The following GALNT11 variants were observed in gnomAD, a reference collection of about 807,000 sequenced individuals.
The protein encoded by GALNT11 is polypeptide N-acetylgalactosaminyltransferase 11.
GALNT11 carries 47 observed loss-of-function variants against 72.7 expected under a neutral mutation model. The observed-to-expected ratio is 0.65, with a 90% CI of 0.51 to 0.82. GALNT11 has a LOEUF of 0.82. Ranked by LOEUF, GALNT11 falls within the 40% of genes least tolerant of loss-of-function variation. GALNT11 has a pLI of 0.00. For missense variants in GALNT11, 677 were observed against 778.4 expected (o/e 0.87, Z 1.55); for synonymous variants, 270 against 286.6 (o/e 0.94, Z 0.58).
intron 1 of GALNT11, among the ~76,000 whole-genome samples, chr7:152,082,462 G>A (rs1421588610): frequency 5.3e-5 from 8 of 152,202 alleles, no homozygotes; most frequent in Non-Finnish European, 2.9e-5. Flanking sequence ...AGGCAGAGGA[G>A]AACAAAGGAA....
chr7:152,114,519 T>G (rs993107987), intron 8 of GALNT11, among the ~76,000 whole-genome samples: 3 of 152,206 alleles, frequency 2.0e-5, no homozygotes, highest in South Asian at 2.1e-4. Context: ...ACAGACCACA[T>G]TTTACTTTAT....
intron 1 of GALNT11, among the ~76,000 whole-genome samples, chr7:152,076,986 G>A (rs576183743): frequency 6.6e-6 from 1 of 152,246 alleles, no homozygotes; most frequent in East Asian, 1.9e-4. Flanking sequence ...CAATACTTTG[G>A]GTGGATGAGG....
At chr7:152,099,454 T>C (rs9969275) in intron 2 of GALNT11, among the ~76,000 whole-genome samples, 23,611 of 146,412 alleles carry the variant, frequency 0.16, 4,570 homozygotes, top group African/African-American at 0.46. Context: ...ACCTCTGCCT[T>C]CCGGGTTTAA....
At chr7:152,077,507 T>G (rs1304579039) in intron 1 of GALNT11, among the ~76,000 whole-genome samples, 3 of 152,076 alleles carry the variant, frequency 2.0e-5, no homozygotes, top group Non-Finnish European at 2.9e-5. Flanking sequence ...TGTTGAAACC[T>G]TGAGAGGCTG....
Position 152,088,386 on chromosome 7 carries a change from G to GT in GALNT11, c.-38-5796dup, listed in dbSNP as rs200440997. ...TATCTCCATTGATAAAACCATTTGG[G>GT]TTTTTTTTCTTTTAATTTATGAAGG... On this transcript the variant is annotated intron_variant, in intron 1 of 11. Transcript: ENST00000430044. 5.5e-3 allele frequency among the ~76,000 whole-genome samples: 831 copies of GT among 151,498 alleles called. 8 individuals are homozygous for GT. Among genetic ancestry groups the GT allele is most frequent in the African/African-American group, 0.019 (796 of 41,280 alleles).
intron 1 of GALNT11, among the ~76,000 whole-genome samples, chr7:152,091,344 G>C (rs983710781): frequency 6.6e-6 from 1 of 151,664 alleles, no homozygotes; most frequent in South Asian, 2.1e-4. Context: ...GGGTTCAAGC[G>C]ATTCTCCTGC....
intron 1 of GALNT11, among the ~76,000 whole-genome samples, chr7:152,032,236 G>A (rs1171900480): frequency 6.6e-6 from 1 of 152,176 alleles, no homozygotes; most frequent in African/African-American, 2.4e-5. Context: ...ACAGATGAGG[G>A]CTATCCCTAA....
intron 1 of GALNT11, among the ~76,000 whole-genome samples, chr7:152,036,506 G>T (rs975196665): frequency 6.6e-6 from 1 of 152,122 alleles, no homozygotes; most frequent in Non-Finnish European, 1.5e-5. Context: ...TGGACATTTA[G>T]GTTGCTTCCA....
chr7:152,109,006 C>CATT (rs2087886727), intron 6 of GALNT11, among the ~76,000 whole-genome samples: 1 of 146,064 alleles, frequency 6.8e-6, no homozygotes, highest in Non-Finnish European at 1.5e-5. Context: ...ATGTTGTTAT[C>CATT]GTTGCTTATT....
Position 152,067,576 on chromosome 7 carries a change from G to A in GALNT11, c.-38-26614G>A, listed in dbSNP as rs190386569. Reference sequence around the variant, plus strand: ...CCATCTGTCCCTTTGATGTGCCCCCGACATTGTAGTTTTTGTTTGTTTTAT... The same window carrying A: ...CCATCTGTCCCTTTGATGTGCCCCCAACATTGTAGTTTTTGTTTGTTTTAT... On this transcript the variant is annotated intron_variant, in intron 1 of 11. Coordinates refer to ENST00000430044, the MANE Select transcript of GALNT11 (RefSeq NM_022087.4). Among the ~76,000 whole-genome samples the A allele has an allele frequency of 4.5e-4, 69 of 152,138 alleles. 1 individual carries two copies. Among genetic ancestry groups the A allele is most frequent in the African/African-American group, 1.6e-3 (66 of 41,526 alleles).
chr7:152,035,570 G>A (rs528343537), intron 1 of GALNT11, among the ~76,000 whole-genome samples: 33 of 152,232 alleles, frequency 2.2e-4, no homozygotes, highest in Admixed American at 5.2e-4. Context: ...GGCTCAGCCC[G>A]GAAGTACAGG....
chr7:152,059,821 T>G (rs1207710890), intron 1 of GALNT11, among the ~76,000 whole-genome samples: 2 of 152,224 alleles, frequency 1.3e-5, no homozygotes, highest in Non-Finnish European at 2.9e-5. Context: ...GCATAATTCT[T>G]AAAGGCCCTG....
chr7:152,047,532 C>CA (rs1383668582), intron 1 of GALNT11, among the ~76,000 whole-genome samples: 3 of 151,740 alleles, frequency 2.0e-5, no homozygotes, highest in African/African-American at 4.8e-5. Context: ...CCCATCTCTA[C>CA]AAAAAAATAC....
intron 4 of GALNT11, chr7:152,104,117 C>T (rs1377900590): frequency 2.6e-5 from 4 of 152,240 alleles, no homozygotes; most frequent in Non-Finnish European, 5.9e-5. Context: ...TTTTATTACA[C>T]TGCTCATTCA....
chr7:152,089,732 A>C (rs998934561), intron 1 of GALNT11, among the ~76,000 whole-genome samples: 16 of 152,386 alleles, frequency 1.0e-4, no homozygotes, highest in African/African-American at 2.9e-4. Context: ...ACCTGTGAGC[A>C]TGTTTAACAG....
intron 9 of GALNT11, chr7:152,118,165 G>A (rs1452369965): frequency 6.4e-6 from 1 of 155,266 alleles, no homozygotes; most frequent in Non-Finnish European, 1.4e-5. Context: ...AGTGTCAGGT[G>A]TTTTTCTCTA....
chr7:152,094,556 A>G lies in GALNT11; in HGVS notation c.295+34A>G, dbSNP rs1039957750. ...ATGATGTTTACCAGCATCCATATCA[A>G]TGTATTTAATCACTGGAAGTTTGAT... On this transcript the variant is annotated intron_variant, in intron 2 of 11. Transcript: ENST00000430044. The surrounding 1 kb of genome is among the most constrained non-coding windows in gnomAD (Gnocchi z 4.3). 6 of 1,543,988 alleles carry G rather than the reference A, an allele frequency of 3.9e-6. No individual in the cohort carries two copies. Among genetic ancestry groups the G allele is most frequent in the Admixed American group, 4.0e-5 (2 of 49,470 alleles).
chr7:152,032,163 A>G (rs562447096), intron 1 of GALNT11, among the ~76,000 whole-genome samples: 1 of 152,172 alleles, frequency 6.6e-6, no homozygotes, highest in East Asian at 1.9e-4. Flanking sequence ...TCATCCACAT[A>G]CTGAAGGACC....
intron 6 of GALNT11, 142 bp downstream of exon 6, chr7:152,108,429 A>G (rs1563077527): frequency 8.0e-7 from 1 of 1,252,946 alleles, no homozygotes; most frequent in Non-Finnish European, 1.1e-6. Flanking sequence ...TTGAGTACGT[A>G]TTGAATTTTA....
Sources: gnomAD v4.1 joint callset for allele counts (sites outside exome capture counted in the v4.1 genomes callset) on GRCh38, gnomAD v4.1.1 for gene constraint, Gnocchi (gnomAD v3.1) non-coding constraint, MANE v1.5 for transcripts, NCBI Gene and HGNC (gene_info 2026-07-23, HGNC 2026-07-21) for gene names.